The following TTC17 variants were observed in gnomAD, a reference collection of about 807,000 sequenced individuals.
The protein encoded by TTC17 is tetratricopeptide repeat protein 17.
In TTC17, 58 loss-of-function variants were observed where a neutral mutation model predicts 143.8. The ratio of observed to expected loss-of-function variants is 0.40; its 90% CI spans 0.33 to 0.50. The LOEUF is 0.50. Ranked by LOEUF, TTC17 falls within the 20% of genes least tolerant of loss-of-function variation. The pLI is 0.49. For synonymous variants in TTC17, 501 were observed against 497.8 expected (o/e 1.01, Z -0.09); for missense variants, 1,273 against 1,392.5 (o/e 0.91, Z 1.37).
intron 21 of TTC17, among the ~76,000 whole-genome samples, chr11:43,478,813 A>C (rs1188385226): frequency 6.6e-6 from 1 of 152,148 alleles, no homozygotes; most frequent in Non-Finnish European, 1.5e-5. Flanking sequence ...TTTTTCATAA[A>C]AATGTAGTCT....
intron 21 of TTC17, among the ~76,000 whole-genome samples, chr11:43,475,050 A>T (rs1948159919): frequency 1.3e-5 from 2 of 152,024 alleles, no homozygotes; most frequent in African/African-American, 4.8e-5. Context: ...AGAGGCAAGC[A>T]CGCTTGGTCT....
intron 21 of TTC17, among the ~76,000 whole-genome samples, chr11:43,486,158 C>A (rs1432757709): frequency 1.8e-5 from 1 of 55,162 alleles, no homozygotes; most frequent in Non-Finnish European, 4.1e-5. Context: ...ACGCCATAGT[C>A]CCCCCCTTAT....
chr11:43,363,025 C>T (rs988967783), intron 1 of TTC17, among the ~76,000 whole-genome samples: 1 of 152,106 alleles, frequency 6.6e-6, no homozygotes, highest in Non-Finnish European at 1.5e-5. Flanking sequence ...TAGTGTCTGT[C>T]GCTGGTACCT....
intron 21 of TTC17, among the ~76,000 whole-genome samples, chr11:43,472,308 C>T (rs1211063999): frequency 6.6e-6 from 1 of 152,096 alleles, no homozygotes; most frequent in Admixed American, 6.6e-5. Flanking sequence ...GTACCATTTC[C>T]CTCCAGCCTG....
At chr11:43,473,741 A>G (rs1948132182) in intron 21 of TTC17, among the ~76,000 whole-genome samples, 1 of 152,028 alleles carries the variant, frequency 6.6e-6, no homozygotes, top group South Asian at 2.1e-4. Context: ...ATAATTAGCT[A>G]GGCTTGGTGG....
chr11:43,391,615 G>A, intron 4 of TTC17, 39 bp downstream of exon 4: 1 of 809,146 alleles, frequency 1.2e-6, no homozygotes, highest in Non-Finnish European at 1.8e-6. Context: ...TTTTTGCGTT[G>A]CGTTCTTCTT....
intron 8 of TTC17, among the ~76,000 whole-genome samples, chr11:43,398,555 T>C (rs1322231333): frequency 6.6e-5 from 10 of 152,280 alleles, no homozygotes; most frequent in African/African-American, 1.9e-4. Context: ...TAGGGTTGAG[T>C]TATTGTTAAG....
At chr11:43,384,443 C>T (rs992521156) in intron 2 of TTC17, among the ~76,000 whole-genome samples, 1 of 152,128 alleles carries the variant, frequency 6.6e-6, no homozygotes, top group Non-Finnish European at 1.5e-5. Context: ...ATTGCTTGAG[C>T]CCGGGAGTTC....
intron 21 of TTC17, among the ~76,000 whole-genome samples, chr11:43,467,959 TCA>T (rs1320550404): frequency 6.7e-6 from 1 of 149,952 alleles, no homozygotes; most frequent in African/African-American, 2.5e-5. Context: ...AGGTAATGGC[TCA>T]GAATTTATTT....
chr11:43,429,189 G>A (rs895758412), intron 16 of TTC17, among the ~76,000 whole-genome samples: 32 of 152,164 alleles, frequency 2.1e-4, no homozygotes, highest in African/African-American at 7.5e-4. Flanking sequence ...CATTAACGAC[G>A]TTTCCCAAGA....
At chr11:43,487,492 A>C (rs1948402117) in intron 21 of TTC17, among the ~76,000 whole-genome samples, 1 of 152,198 alleles carries the variant, frequency 6.6e-6, no homozygotes, top group African/African-American at 2.4e-5. Flanking sequence ...GTCAAAAAGA[A>C]CAAATCATTT....
chr11:43,393,829 A>G (rs1412725063), intron 5 of TTC17, among the ~76,000 whole-genome samples: 1 of 152,222 alleles, frequency 6.6e-6, no homozygotes, highest in African/African-American at 2.4e-5. Context: ...TTCTTACCAC[A>G]TACTAGGTGG....
At chr11:43,395,201 C>T (rs113899107) in intron 5 of TTC17, among the ~76,000 whole-genome samples, 4,077 of 150,768 alleles carry the variant, frequency 0.027, 90 homozygotes, top group Non-Finnish European at 0.041. Flanking sequence ...CCTGGGTTCA[C>T]GCTATTCTCC....
intron 15 of TTC17, 33 bp from the exon 16 acceptor site, chr11:43,414,557 A>G: frequency 6.3e-7 from 1 of 1,582,654 alleles, no homozygotes; most frequent in Non-Finnish European, 8.6e-7. Flanking sequence ...ATATTAGTTC[A>G]TTAACATTTT....
intron 21 of TTC17, among the ~76,000 whole-genome samples, chr11:43,473,154 G>A (rs567020751): frequency 6.6e-6 from 1 of 151,100 alleles, no homozygotes; most frequent in Non-Finnish European, 1.5e-5. Flanking sequence ...CAGCCTGAGC[G>A]ACAGGGCGAG....
chr11:43,367,196 A>G (rs1055756348), intron 1 of TTC17, among the ~76,000 whole-genome samples: 3 of 152,206 alleles, frequency 2.0e-5, no homozygotes, highest in Non-Finnish European at 2.9e-5. Context: ...GTCACGCATT[A>G]TTGAATCAGC....
At chr11:43,440,323 C>G (rs916301211) in intron 16 of TTC17, among the ~76,000 whole-genome samples, 7 of 152,222 alleles carry the variant, frequency 4.6e-5, no homozygotes, top group Non-Finnish European at 8.8e-5. Flanking sequence ...TGACAAGTGT[C>G]TACAATTCCA....
In TTC17 at chr11:43,488,007, C is replaced by T. The variant is rs1948409302; in HGVS notation, c.3031-2232C>T. 2.6e-5 allele frequency among the ~76,000 whole-genome samples: 4 copies of T among 152,190 alleles called. 1 individual carries two copies. The highest frequency in any genetic ancestry group is 9.7e-5 in the African/African-American group (4 of 41,438). On this transcript the variant is annotated intron_variant, in intron 21 of 23. Transcript: ENST00000039989. ...CTTTAAAGACCTCCACATACAGTTACATTCTGAGGTACAGGGGATTGGGAC... is the reference window on the plus strand; with the variant it reads ...CTTTAAAGACCTCCACATACAGTTATATTCTGAGGTACAGGGGATTGGGAC...
intron 22 of TTC17, chr11:43,490,868 A>C (rs1948462858): frequency 6.6e-6 from 1 of 151,058 alleles, no homozygotes; most frequent in Non-Finnish European, 1.5e-5. Flanking sequence ...AAAAAAAAAA[A>C]AAAAAAAAAA....
Sources: allele counts gnomAD v4.1 joint callset (sites outside exome capture counted in the v4.1 genomes callset), GRCh38; gene constraint gnomAD v4.1.1; transcripts MANE v1.5; gene names NCBI Gene and HGNC (gene_info 2026-07-23, HGNC 2026-07-21).